Variants in RMND1 observed in about 807,000 individuals in gnomAD.
RMND1 encodes the protein required for meiotic nuclear division 1 homolog, also known as required for meiotic nuclear division protein 1 homolog.
Under a neutral mutation model 54.0 loss-of-function variants are expected in RMND1, and 41 were observed. The ratio of observed to expected loss-of-function variants is 0.76; its 90% CI spans 0.59 to 0.98. The LOEUF (loss-of-function observed/expected upper bound fraction) is 0.98, where lower values mean the gene tolerates loss of function less well. RMND1 is among the 50% of genes least tolerant of loss of function. The pLI is 0.00. For missense variants in RMND1, 457 were observed against 532.0 expected (o/e 0.86, Z 1.39); for synonymous variants, 183 against 181.7 (o/e 1.01, Z -0.06).
rs1157610708 is a variant in RMND1 at position 151,421,309 on chromosome 6, C to G, written c.1015G>C (p.Gly339Arg). 6.2e-7 allele frequency: 1 copy of G among 1,612,062 alleles called. No homozygotes were observed. Among genetic ancestry groups the G allele is most frequent in the Non-Finnish European group, 8.5e-7 (1 of 1,178,948 alleles). ...TCATGAGATAGTTTCACTTTCTTCC[C>G]AGCTTTTAAAGCCTAGTTGAGAGGG... ...IQSIPEALKAGKKVKLSHEEV... is the reference protein window; with the variant it reads ...IQSIPEALKARKKVKLSHEEV... The change falls in exon 9 of 12, where the codon GGG becomes CGG. Residue 339 changes from glycine to arginine, a missense_variant. Coordinates refer to ENST00000444024, the MANE Select transcript of RMND1 (RefSeq NM_017909.4).
At chr6:151,437,988 T>A (rs889832035) in intron 2 of RMND1, among the ~76,000 whole-genome samples, 1 of 152,230 alleles carries the variant, frequency 6.6e-6, no homozygotes, top group Admixed American at 6.5e-5. Flanking sequence ...GATAAATGGA[T>A]GTAGTACCCT....
At chr6:151,427,033 AGTGCTGGGATTACAG>A (rs1780316060) in intron 6 of RMND1, among the ~76,000 whole-genome samples, 1 of 151,792 alleles carries the variant, frequency 6.6e-6, no homozygotes, top group South Asian at 2.1e-4. Context: ...AGCCTCCCAA[AGTGCTGGGATTACAG>A]GTGTGAGCTA....
Position 151,437,803 on chromosome 6 carries a change from C to T in RMND1, c.505-1249G>A, listed in dbSNP as rs551823345. On this transcript the variant is annotated intron_variant, in intron 2 of 11. Coordinates refer to ENST00000444024, the MANE Select transcript of RMND1 (RefSeq NM_017909.4). ...AATGGCCTGACCCCATTTGCCCTTC[C>T]TCAATCTGTTCCACAGCTCTGATGC... is the stretch of plus-strand genomic sequence containing the variant. 2.1e-3 allele frequency among the ~76,000 whole-genome samples: 319 copies of T among 152,282 alleles called. 3 individuals carry two copies. The highest frequency in any genetic ancestry group is 7.5e-3 in the African/African-American group (310 of 41,548).
intron 5 of RMND1, among the ~76,000 whole-genome samples, chr6:151,428,027 G>C (rs965158226): frequency 4.6e-5 from 7 of 152,064 alleles, no homozygotes; most frequent in Admixed American, 4.6e-4. Flanking sequence ...TGTAGTCCCA[G>C]CTACCTGAGA....
chr6:151,421,944 A>G (rs973922012), intron 8 of RMND1, among the ~76,000 whole-genome samples: 2 of 152,006 alleles, frequency 1.3e-5, no homozygotes, highest in Admixed American at 1.3e-4. Flanking sequence ...GCCAGACCCC[A>G]TTTCAATTAT....
At chr6:151,411,043 T>C (rs937374583) in intron 10 of RMND1, among the ~76,000 whole-genome samples, 6 of 152,188 alleles carry the variant, frequency 3.9e-5, no homozygotes, top group Non-Finnish European at 8.8e-5. Context: ...CATCGGAACC[T>C]TTGCCTCCCA....
chr6:151,446,515 A>C (rs925991288), intron 1 of RMND1, among the ~76,000 whole-genome samples: 2 of 152,036 alleles, frequency 1.3e-5, no homozygotes, highest in African/African-American at 4.8e-5. Flanking sequence ...TGGGCATGGG[A>C]GTGCGAGGCA....
intron 3 of RMND1, 162 bp downstream of exon 3, chr6:151,436,282 ATT>A: frequency 1.4e-6 from 1 of 702,254 alleles, no homozygotes; most frequent in Non-Finnish European, 2.3e-6. Flanking sequence ...ATACATTTTA[ATT>A]CTTAACTTTG....
In RMND1 at chr6:151,422,625, T is replaced by C. The variant is rs1780184131; in HGVS notation, c.938-20A>G. 4 of 1,304,700 alleles carry C rather than the reference T, an allele frequency of 3.1e-6. No homozygotes were observed. Among genetic ancestry groups the C allele is most frequent in the Non-Finnish European group, 4.3e-6 (4 of 937,334 alleles). 80.8% of individuals were successfully genotyped at this position (1,304,700 alleles called of 1,614,324 possible). On this transcript the variant is annotated intron_variant, in intron 7 of 11. Transcript: ENST00000444024. Reference sequence around the variant, plus strand: ...GTTTTACTGGGAAAAAAATTAATAATGGAACATTTCTTTATCATCATATTC... The same window carrying C: ...GTTTTACTGGGAAAAAAATTAATAACGGAACATTTCTTTATCATCATATTC...
chr6:151,409,270 C>T (rs1779728413), intron 10 of RMND1, among the ~76,000 whole-genome samples: 1 of 152,150 alleles, frequency 6.6e-6, no homozygotes, highest in Non-Finnish European at 1.5e-5. Context: ...AGCCTAGGGC[C>T]TATCATACAG....
chr6:151,411,254 C>G (rs563320666), intron 10 of RMND1: 3 of 152,324 alleles, frequency 2.0e-5, no homozygotes, highest in African/African-American at 7.2e-5. Context: ...CCACCATGCC[C>G]GGCCCTATAA....
intron 9 of RMND1, chr6:151,420,993 G>T: frequency 3.4e-6 from 1 of 297,272 alleles, no homozygotes. Flanking sequence ...CACCTACTGT[G>T]CTCCTTAATG....
intron 1 of RMND1, among the ~76,000 whole-genome samples, chr6:151,448,856 C>T (rs1212281042): frequency 6.6e-6 from 1 of 151,878 alleles, no homozygotes; most frequent in Non-Finnish European, 1.5e-5. Flanking sequence ...TGGGAGGGAT[C>T]ACTTGGGGTC....
chr6:151,409,734 G>T (rs1447308548), intron 10 of RMND1, among the ~76,000 whole-genome samples: 1 of 152,154 alleles, frequency 6.6e-6, no homozygotes, highest in African/African-American at 2.4e-5. Context: ...AGGCAGACAA[G>T]AGACTGGGAT....
intron 11 of RMND1, 82 bp from the exon 12 acceptor site, chr6:151,405,349 G>A (rs936603469): frequency 4.6e-6 from 6 of 1,299,276 alleles, no homozygotes; most frequent in Non-Finnish European, 6.7e-6. Flanking sequence ...TGTGATTAAT[G>A]AGAAATGCTC....
chr6:151,408,281 G>A (rs1779697602), intron 10 of RMND1, among the ~76,000 whole-genome samples: 1 of 152,020 alleles, frequency 6.6e-6, no homozygotes, highest in Non-Finnish European at 1.5e-5. Context: ...GATCACTTGA[G>A]GTCAGTTTAA....
At chr6:151,447,332 T>C (rs1280382918) in intron 1 of RMND1, among the ~76,000 whole-genome samples, 2 of 112,182 alleles carry the variant, frequency 1.8e-5, no homozygotes, top group Non-Finnish European at 1.8e-5. Context: ...ATGAAACAAA[T>C]TTTTGGTGAT....
intron 3 of RMND1, 89 bp downstream of exon 3, chr6:151,436,357 T>C (rs1780612401): frequency 2.8e-6 from 4 of 1,446,408 alleles, no homozygotes; most frequent in Non-Finnish European, 3.8e-6. Flanking sequence ...AGAAAATGAA[T>C]TGCAAACAAA....
intron 2 of RMND1, among the ~76,000 whole-genome samples, chr6:151,439,498 C>T (rs1475266765): frequency 6.6e-6 from 1 of 152,184 alleles, no homozygotes; most frequent in Non-Finnish European, 1.5e-5. Flanking sequence ...AAAATTACTC[C>T]TAACCAACAC....
Sources: gnomAD v4.1 joint callset for allele counts (sites outside exome capture counted in the v4.1 genomes callset) on GRCh38, gnomAD v4.1.1 for gene constraint, MANE v1.5 for transcripts, NCBI Gene and HGNC (gene_info 2026-07-23, HGNC 2026-07-21) for gene names.